The following MEIS2 variants were observed in gnomAD, a reference collection of about 807,000 sequenced individuals.
MEIS2 encodes the protein homeobox protein Meis2.
MEIS2 carries 9 observed loss-of-function variants against 58.6 expected under a neutral mutation model. The observed-to-expected ratio is 0.15, with a 90% CI of 0.09 to 0.27. The LOEUF (loss-of-function observed/expected upper bound fraction) is 0.27, where lower values mean the gene tolerates loss of function less well. Ranked by LOEUF, MEIS2 falls within the 10% of genes least tolerant of loss-of-function variation. MEIS2 has a pLI of 1.00. For synonymous variants in MEIS2, 221 were observed against 228.4 expected, an observed-to-expected ratio of 0.97 and a Z score of 0.29; for missense variants, 427 against 635.0, an observed-to-expected ratio of 0.67 and a Z score of 3.52.
chr15:37,043,628 T>TCA (rs1158318281), intron 7 of MEIS2, among the ~76,000 whole-genome samples: 1 of 152,008 alleles, frequency 6.6e-6, no homozygotes, highest in African/African-American at 2.4e-5. Context: ...ATTTCTATAG[T>TCA]TCGTAGGTGT....
At chr15:37,041,628 T>C (rs562287745) in intron 7 of MEIS2, among the ~76,000 whole-genome samples, 14 of 152,200 alleles carry the variant, frequency 9.2e-5, no homozygotes, top group Middle Eastern at 6.8e-3. Flanking sequence ...CATCTGGGTG[T>C]AGGCAAATAT....
At chr15:37,054,308 C>G (rs1287412329) in intron 7 of MEIS2, among the ~76,000 whole-genome samples, 3 of 152,108 alleles carry the variant, frequency 2.0e-5, no homozygotes, top group Admixed American at 2.0e-4. Context: ...GAAATAAATT[C>G]TAAAAATGGA....
chr15:36,978,489 C>A (rs933330043), intron 8 of MEIS2, among the ~76,000 whole-genome samples: 8 of 152,172 alleles, frequency 5.3e-5, no homozygotes, highest in Admixed American at 5.2e-4. Flanking sequence ...TGTATCCTTG[C>A]TTCTTACATG....
Position 37,028,439 on chromosome 15 carries a change from C to G in MEIS2, c.900+8375G>C, listed in dbSNP as rs142432233. On this transcript the variant is annotated intron_variant, in intron 8 of 11. Transcript: ENST00000561208. ...CTACAAGTAAAAGGTTATGACATAG[C>G]AATATGCAATTTTTCCCCCTCAAGA... Among the ~76,000 whole-genome samples, 500 of 152,244 alleles carry G rather than the reference C, an allele frequency of 3.3e-3. 6 individuals are homozygous for G. The highest frequency in any genetic ancestry group is 0.011 in the African/African-American group (471 of 41,546).
chr15:36,935,894 T>A (rs1372157542), intron 9 of MEIS2, among the ~76,000 whole-genome samples: 1 of 152,208 alleles, frequency 6.6e-6, no homozygotes, highest in Non-Finnish European at 1.5e-5. Flanking sequence ...TTAGCTCAGT[T>A]AAGAGCTTCA....
At chr15:36,910,134 A>C (rs1343362914) in intron 9 of MEIS2, among the ~76,000 whole-genome samples, 5 of 152,052 alleles carry the variant, frequency 3.3e-5, no homozygotes, top group African/African-American at 9.7e-5. Flanking sequence ...TGAGACCAGG[A>C]GGTGGAGGCT....
intron 8 of MEIS2, among the ~76,000 whole-genome samples, chr15:37,025,692 A>G (rs780877949): frequency 1.3e-5 from 2 of 151,806 alleles, no homozygotes; most frequent in Non-Finnish European, 2.9e-5. Flanking sequence ...CCATGGACAA[A>G]CGGGTACAAG....
At chr15:36,892,564 C>CAAATCTTATACCTAAAT in intron 11 of MEIS2, 105 bp from the exon 12 acceptor site, 3 of 980,568 alleles carry the variant, frequency 3.1e-6, no homozygotes, top group Non-Finnish European at 3.0e-6. Context: ...ACAGACACTG[C>CAAATCTTATACCTAAAT]AAATCTTATA....
intron 7 of MEIS2, among the ~76,000 whole-genome samples, chr15:37,065,774 A>C (rs1889848848): frequency 6.6e-6 from 1 of 152,108 alleles, no homozygotes; most frequent in Non-Finnish European, 1.5e-5. Context: ...TCTTTTAAAA[A>C]CCCACGATAT....
chr15:36,935,522 A>G (rs2141344925), intron 9 of MEIS2, among the ~76,000 whole-genome samples: 1 of 152,320 alleles, frequency 6.6e-6, no homozygotes, highest in East Asian at 1.9e-4. Context: ...TCTAATAATA[A>G]TCAGGAAAGA....
intron 8 of MEIS2, among the ~76,000 whole-genome samples, chr15:36,954,365 T>G (rs2058877382): frequency 6.6e-6 from 1 of 150,670 alleles, no homozygotes; most frequent in Non-Finnish European, 1.5e-5. Flanking sequence ...GTAGAAACTT[T>G]TTGTTTATAT....
intron 8 of MEIS2, among the ~76,000 whole-genome samples, chr15:37,026,182 AGAGTCCC>A (rs2061697474): frequency 6.6e-6 from 1 of 152,220 alleles, no homozygotes; most frequent in Non-Finnish European, 1.5e-5. Flanking sequence ...GCTTTTAAAG[AGAGTCCC>A]AATGTGTCAC....
At chr15:36,911,929 T>C (rs1437548393) in intron 9 of MEIS2, among the ~76,000 whole-genome samples, 3 of 152,240 alleles carry the variant, frequency 2.0e-5, no homozygotes, top group East Asian at 3.8e-4. Context: ...AGCGCCATTA[T>C]GGGCTTTTCC....
At chr15:36,999,068 G>T (rs2060632982) in intron 8 of MEIS2, among the ~76,000 whole-genome samples, 1 of 152,080 alleles carries the variant, frequency 6.6e-6, no homozygotes, top group Non-Finnish European at 1.5e-5. Context: ...TCATCATTTT[G>T]AAAATAATTG....
chr15:36,927,667 C>T (rs142805782), intron 9 of MEIS2, among the ~76,000 whole-genome samples: 4 of 152,006 alleles, frequency 2.6e-5, no homozygotes, highest in African/African-American at 4.8e-5. Flanking sequence ...GATGAGAAAA[C>T]GTGTTTCTAT....
At chr15:37,021,636 C>A (rs966655278) in intron 8 of MEIS2, among the ~76,000 whole-genome samples, 24 of 152,270 alleles carry the variant, frequency 1.6e-4, no homozygotes, top group African/African-American at 5.8e-4. Context: ...GACTTGCAAC[C>A]CCTTGGTGGG....
intron 9 of MEIS2, among the ~76,000 whole-genome samples, chr15:36,940,571 C>A (rs2058339160): frequency 6.6e-6 from 1 of 152,114 alleles, no homozygotes; most frequent in Non-Finnish European, 1.5e-5. Flanking sequence ...ATGAGTGGAA[C>A]AATGACTTCT....
chr15:36,932,011 C>A (rs1418316198), intron 9 of MEIS2, among the ~76,000 whole-genome samples: 1 of 152,008 alleles, frequency 6.6e-6, no homozygotes, highest in East Asian at 1.9e-4. Flanking sequence ...TGAAGCTCAC[C>A]AAGGAAGAAA....
Position 37,036,829 on chromosome 15 carries a change from G to T in MEIS2, c.885C>A (p.Leu295=). ...KVATNIMRAW[L]FQHLTHPYPS... Reference sequence around the variant, plus strand: ...CTTGACTTACTGTGAGATGCTGGAAGAGCCATGCTCTCATGATATTTGTTG... The same window carrying T: ...CTTGACTTACTGTGAGATGCTGGAATAGCCATGCTCTCATGATATTTGTTG... The change falls in exon 8 of 12, where the codon CTC becomes CTA. Residue 295 remains leucine (L), a synonymous_variant. Coordinates refer to ENST00000561208, the MANE Select transcript of MEIS2 (RefSeq NM_170675.5). The T allele has an allele frequency of 6.2e-7, 1 of 1,611,658 alleles. No individual in the cohort carries two copies. The highest frequency in any genetic ancestry group is 2.2e-5 in the East Asian group (1 of 44,842).
Sources: allele counts gnomAD v4.1 joint callset (sites outside exome capture counted in the v4.1 genomes callset), GRCh38; gene constraint gnomAD v4.1.1; transcripts MANE v1.5; gene names NCBI Gene and HGNC (gene_info 2026-07-23, HGNC 2026-07-21).